BBS9: variants seen among roughly 807,000 people sequenced by gnomAD.
The protein encoded by BBS9 is protein PTHB1.
Under a neutral mutation model 117.7 loss-of-function variants are expected in BBS9, and 89 were observed. The ratio of observed to expected loss-of-function variants is 0.76; its 90% CI spans 0.64 to 0.90. The LOEUF (loss-of-function observed/expected upper bound fraction) is 0.90, where lower values mean the gene tolerates loss of function less well. Ranked by LOEUF, BBS9 falls within the 40% of genes least tolerant of loss-of-function variation. The pLI, the probability that BBS9 is intolerant of heterozygous loss-of-function variation, is 0.00. For synonymous variants in BBS9, 379 were observed against 370.9 expected (o/e 1.02, Z -0.25); for missense variants, 982 against 1,042.2 (o/e 0.94, Z 0.80).
chr7:33,369,555 A>G (rs1229262101), intron 17 of BBS9, among the ~76,000 whole-genome samples: 2 of 152,176 alleles, frequency 1.3e-5, no homozygotes, highest in Non-Finnish European at 2.9e-5. Flanking sequence ...GGACCTTTTA[A>G]ACAAGGAGCC....
chr7:33,601,797 G>A (rs1397314114), intron 21 of BBS9, among the ~76,000 whole-genome samples: 1 of 152,100 alleles, frequency 6.6e-6, no homozygotes, highest in African/African-American at 2.4e-5. Flanking sequence ...ATAATTACAT[G>A]CCACAGCCCC....
intron 9 of BBS9, among the ~76,000 whole-genome samples, chr7:33,300,389 C>A (rs536709334): frequency 6.6e-6 from 1 of 152,168 alleles, no homozygotes; most frequent in Non-Finnish European, 1.5e-5. Flanking sequence ...ATATCCAGTT[C>A]ACAGATGCTG....
rs146497691 is a variant in BBS9 at position 33,363,230 on chromosome 7, G to A, written c.1694-4537G>A. Among the ~76,000 whole-genome samples the A allele has an allele frequency of 9.8e-3, 1,491 of 152,210 alleles. 12 individuals carry two copies. Among genetic ancestry groups the A allele is most frequent in the South Asian group, 0.023 (110 of 4,824 alleles). ...CAATTCTCCTGTCTCAGCCTCCCAAGTAGTTGGGACTACAGGCACACGCCA... is the reference window on the plus strand; with the variant it reads ...CAATTCTCCTGTCTCAGCCTCCCAAATAGTTGGGACTACAGGCACACGCCA... On this transcript the variant is annotated intron_variant, in intron 16 of 22. Coordinates refer to ENST00000242067, the MANE Select transcript of BBS9 (RefSeq NM_198428.3).
intron 19 of BBS9, among the ~76,000 whole-genome samples, chr7:33,491,919 G>T (rs1433562146): frequency 6.6e-6 from 1 of 152,084 alleles, no homozygotes; most frequent in African/African-American, 2.4e-5. Flanking sequence ...GATATGTTGG[G>T]CTGGGTGTGG....
chr7:33,217,938 A>G (rs1344940167), intron 5 of BBS9, among the ~76,000 whole-genome samples: 1 of 152,258 alleles, frequency 6.6e-6, no homozygotes, highest in Non-Finnish European at 1.5e-5. Context: ...TGTACATTAA[A>G]AGCAAATGGC....
intron 21 of BBS9, among the ~76,000 whole-genome samples, chr7:33,553,997 T>G (rs1447897011): frequency 2.6e-5 from 4 of 152,034 alleles, no homozygotes; most frequent in Non-Finnish European, 5.9e-5. Flanking sequence ...TGGGGAAGGC[T>G]TCTGTGAGGA....
chr7:33,299,309 AC>A (rs1374124459), intron 9 of BBS9, among the ~76,000 whole-genome samples: 1 of 152,088 alleles, frequency 6.6e-6, no homozygotes, highest in Non-Finnish European at 1.5e-5. Context: ...ATTTCTGATC[AC>A]AATTATATAT....
intron 19 of BBS9, among the ~76,000 whole-genome samples, chr7:33,440,211 TGTA>T (rs1483731010): frequency 1.2e-4 from 18 of 152,214 alleles, no homozygotes; most frequent in African/African-American, 4.1e-4. Context: ...CATAGAGTTG[TGTA>T]ATTTAACTTA....
intron 5 of BBS9, among the ~76,000 whole-genome samples, chr7:33,194,071 A>G (rs776465033): frequency 3.3e-5 from 5 of 152,252 alleles, no homozygotes; most frequent in East Asian, 1.9e-4. Flanking sequence ...TTTATGGTCT[A>G]TGGCCTTTCC....
chr7:33,395,725 T>C (rs918424052), intron 19 of BBS9, among the ~76,000 whole-genome samples: 2 of 152,214 alleles, frequency 1.3e-5, no homozygotes, highest in African/African-American at 4.8e-5. Flanking sequence ...TCTGTTTATT[T>C]GTATGGTATT....
At chr7:33,155,023 A>G (rs941814110) in intron 3 of BBS9, among the ~76,000 whole-genome samples, 3 of 152,216 alleles carry the variant, frequency 2.0e-5, no homozygotes, top group South Asian at 2.1e-4. Flanking sequence ...AGACTGTGCC[A>G]TGCTAGTTTC....
At chr7:33,610,959 T>G (rs73690949), downstream of BBS9, among the ~76,000 whole-genome samples, 1 of 152,200 alleles carries the variant, frequency 6.6e-6, no homozygotes, top group African/African-American at 2.4e-5. Context: ...TAGCAGCCAC[T>G]CCATGAATTG....
At chr7:33,154,005 G>A (rs1252615651) in intron 3 of BBS9, among the ~76,000 whole-genome samples, 1 of 152,158 alleles carries the variant, frequency 6.6e-6, no homozygotes, top group Non-Finnish European at 1.5e-5. Flanking sequence ...CTGTATAGTA[G>A]TCCTTAAGTA....
intron 21 of BBS9, among the ~76,000 whole-genome samples, chr7:33,560,546 A>G (rs1043462694): frequency 6.6e-6 from 1 of 152,192 alleles, no homozygotes; most frequent in African/African-American, 2.4e-5. Context: ...TTATCCAAGC[A>G]AGGTCAAAAT....
intron 6 of BBS9, among the ~76,000 whole-genome samples, chr7:33,260,890 C>G (rs754049965): frequency 3.9e-5 from 6 of 152,178 alleles, no homozygotes; most frequent in Non-Finnish European, 5.9e-5. Context: ...CCAGCAACCC[C>G]TCAATAGCTC....
chr7:33,388,501 T>G (rs1193860319), intron 19 of BBS9, among the ~76,000 whole-genome samples: 1 of 152,240 alleles, frequency 6.6e-6, no homozygotes, highest in African/African-American at 2.4e-5. Flanking sequence ...CAATTCTTGG[T>G]GCATTCCATA....
chr7:33,553,221 G>A (rs1045505281), intron 21 of BBS9, among the ~76,000 whole-genome samples: 2 of 152,134 alleles, frequency 1.3e-5, no homozygotes, highest in Admixed American at 6.5e-5. Context: ...TATAGCTGAA[G>A]CATAGTTCAT....
chr7:33,543,134 T>C (rs1053002616), intron 21 of BBS9, among the ~76,000 whole-genome samples: 1 of 152,134 alleles, frequency 6.6e-6, no homozygotes, highest in Non-Finnish European at 1.5e-5. Flanking sequence ...TGTTTTTTGA[T>C]TTTTTGATTA....
At chr7:33,573,464 GGTTCTACCA>G (rs1219908799) in intron 21 of BBS9, among the ~76,000 whole-genome samples, 1 of 152,008 alleles carries the variant, frequency 6.6e-6, no homozygotes, top group Non-Finnish European at 1.5e-5. Flanking sequence ...CTAGATATCA[GGTTCTACCA>G]GTTCATAGAG....
Sources: allele counts gnomAD v4.1 joint callset (sites outside exome capture counted in the v4.1 genomes callset), GRCh38; gene constraint gnomAD v4.1.1; transcripts MANE v1.5; gene names NCBI Gene and HGNC (gene_info 2026-07-23, HGNC 2026-07-21).